The following PTPRD variants were observed in gnomAD, a reference collection of about 807,000 sequenced individuals.
PTPRD encodes the protein protein tyrosine phosphatase receptor type D.
PTPRD carries 34 observed loss-of-function variants against 214.5 expected under a neutral mutation model. That is an observed-to-expected ratio of 0.16 (90% CI 0.12 to 0.21). The LOEUF is 0.21. Ranked by LOEUF, PTPRD falls within the 10% of genes least tolerant of loss-of-function variation. The pLI, the probability that PTPRD is intolerant of heterozygous loss-of-function variation, is 1.00. For synonymous variants in PTPRD, 1,128 were observed against 845.7 expected (o/e 1.33, Z -5.79); for missense variants, 2,545 against 2,398.7 (o/e 1.06, Z -1.27).
chr9:9,439,499 A>G (rs1477706669), intron 8 of PTPRD, among the ~76,000 whole-genome samples: 1 of 152,174 alleles, frequency 6.6e-6, no homozygotes, highest in Non-Finnish European at 1.5e-5. Flanking sequence ...TGCTGCAAGG[A>G]GACTACCGGA....
At position 9,676,653 on chromosome 9, in the gene PTPRD, G is replaced by T. The variant is rs572562771; in HGVS notation, c.-287+57880C>A. ...TTGGGTATATACCCAGTAATGGGATGGCTGGATCAAATGGTATTTCTAGTT... is the reference window on the plus strand; with the variant it reads ...TTGGGTATATACCCAGTAATGGGATTGCTGGATCAAATGGTATTTCTAGTT... On this transcript the variant is annotated intron_variant, in intron 7 of 45. Coordinates refer to ENST00000381196, the MANE Select transcript of PTPRD (RefSeq NM_002839.4). 2.6e-3 allele frequency among the ~76,000 whole-genome samples: 396 copies of T among 152,120 alleles called. 2 individuals are homozygous for T. The highest frequency in any genetic ancestry group is 9.0e-3 in the African/African-American group (373 of 41,500).
intron 11 of PTPRD, among the ~76,000 whole-genome samples, chr9:8,788,570 C>T (rs905780165): frequency 1.3e-5 from 2 of 152,064 alleles, no homozygotes; most frequent in Admixed American, 6.6e-5. Context: ...CCACTGCGCC[C>T]GGCCAAGATG....
intron 3 of PTPRD, among the ~76,000 whole-genome samples, chr9:10,124,119 T>C (rs768388310): frequency 3.9e-5 from 6 of 152,174 alleles, no homozygotes; most frequent in Admixed American, 1.3e-4. Context: ...ATTTACTCAG[T>C]TGAGGAACCT....
At chr9:8,993,407 T>C (rs1020303466) in intron 11 of PTPRD, among the ~76,000 whole-genome samples, 2 of 152,186 alleles carry the variant, frequency 1.3e-5, no homozygotes, top group Admixed American at 1.3e-4. Context: ...TATCACAAAA[T>C]GGACACCAAT....
At chr9:9,581,449 C>T (rs2090740503) in intron 7 of PTPRD, among the ~76,000 whole-genome samples, 2 of 152,102 alleles carry the variant, frequency 1.3e-5, no homozygotes, top group Non-Finnish European at 2.9e-5. Context: ...CAACTTTGAA[C>T]TCTTATCTTT....
At chr9:8,614,881 C>T (rs2095559894) in intron 14 of PTPRD, among the ~76,000 whole-genome samples, 1 of 152,130 alleles carries the variant, frequency 6.6e-6, no homozygotes, top group Non-Finnish European at 1.5e-5. Context: ...GCAAGTAACT[C>T]CACCAAGGAA....
chr9:9,271,740 T>C (rs1943023360), intron 9 of PTPRD, among the ~76,000 whole-genome samples: 1 of 151,368 alleles, frequency 6.6e-6, no homozygotes, highest in African/African-American at 2.4e-5. Flanking sequence ...AAAATGTTTT[T>C]TCTGAGACTA....
chr9:9,481,801 T>C (rs2095425608), intron 8 of PTPRD, among the ~76,000 whole-genome samples: 1 of 152,112 alleles, frequency 6.6e-6, no homozygotes, highest in Admixed American at 6.6e-5. Flanking sequence ...AGAAACAGAG[T>C]TTGAGCTCTG....
At chr9:10,122,459 G>A (rs1332140815) in intron 3 of PTPRD, among the ~76,000 whole-genome samples, 1 of 152,112 alleles carries the variant, frequency 6.6e-6, no homozygotes, top group Non-Finnish European at 1.5e-5. Flanking sequence ...GGGAAAGTAT[G>A]GTTCTAGATG....
chr9:9,428,828 A>G (rs1298483111), intron 8 of PTPRD, among the ~76,000 whole-genome samples: 1 of 152,252 alleles, frequency 6.6e-6, no homozygotes, highest in Non-Finnish European at 1.5e-5. Flanking sequence ...AAATGAAGGC[A>G]GAAATAAAGA....
At chr9:10,228,444 G>T (rs997217477) in intron 3 of PTPRD, among the ~76,000 whole-genome samples, 1 of 151,854 alleles carries the variant, frequency 6.6e-6, no homozygotes. Context: ...GATAATATTG[G>T]ACATTAGCCT....
At chr9:10,474,761 G>C (rs1257172202) in intron 2 of PTPRD, among the ~76,000 whole-genome samples, 2 of 151,986 alleles carry the variant, frequency 1.3e-5, no homozygotes, top group Non-Finnish European at 2.9e-5. Context: ...AAATACAAAA[G>C]AATGGAAATC....
intron 2 of PTPRD, among the ~76,000 whole-genome samples, chr9:10,579,971 A>C (rs547052844): frequency 2.6e-5 from 4 of 152,188 alleles, no homozygotes; most frequent in African/African-American, 9.6e-5. Context: ...TTGCGTGTTG[A>C]ATTGTTCAAG....
chr9:10,311,101 A>G (rs995792836), intron 3 of PTPRD, among the ~76,000 whole-genome samples: 8 of 151,374 alleles, frequency 5.3e-5, no homozygotes, highest in African/African-American at 1.7e-4. Flanking sequence ...TTTACTTTTT[A>G]TTTTACTTAT....
chr9:9,907,809 T>C (rs1490231550), intron 5 of PTPRD, among the ~76,000 whole-genome samples: 1 of 152,042 alleles, frequency 6.6e-6, no homozygotes, highest in Non-Finnish European at 1.5e-5. Flanking sequence ...ACCCTACTGA[T>C]TCTTGTAATG....
intron 7 of PTPRD, among the ~76,000 whole-genome samples, chr9:9,576,900 T>G (rs1195404761): frequency 2.0e-5 from 3 of 152,138 alleles, no homozygotes. Context: ...ATGATGGAAT[T>G]TCAACATAAA....
chr9:8,510,381 G>A (rs1349894114), intron 21 of PTPRD, among the ~76,000 whole-genome samples: 1 of 152,156 alleles, frequency 6.6e-6, no homozygotes. Context: ...AGATGAGTGA[G>A]AAGGCCATAT....
rs144135367 is a variant in PTPRD at position 10,280,512 on chromosome 9, C to G, written c.-545+60451G>C. Among the ~76,000 whole-genome samples the G allele has an allele frequency of 5.2e-3, 799 of 152,234 alleles. 8 individuals are homozygous for G. The highest frequency in any genetic ancestry group is 0.018 in the African/African-American group (754 of 41,522). ...AATATAAATAAATGTTTGTGATTCT[C>G]AAAGTCTATTGTGTGTAAGAAACAC... is the stretch of plus-strand genomic sequence containing the variant. On this transcript the variant is annotated intron_variant, in intron 3 of 45. Transcript: ENST00000381196.
At chr9:9,126,399 T>C (rs1317647746) in intron 10 of PTPRD, among the ~76,000 whole-genome samples, 15 of 152,322 alleles carry the variant, frequency 9.8e-5, no homozygotes, top group African/African-American at 3.4e-4. Context: ...AGTCCTCACC[T>C]ATATCAAGGA....
Sources: gnomAD v4.1 joint callset for allele counts (sites outside exome capture counted in the v4.1 genomes callset) on GRCh38, gnomAD v4.1.1 for gene constraint, MANE v1.5 for transcripts, NCBI Gene and HGNC (gene_info 2026-07-23, HGNC 2026-07-21) for gene names.